TENM2: variants seen among roughly 807,000 people sequenced by gnomAD.
TENM2 encodes teneurin transmembrane protein 2, also known as teneurin-2.
A neutral mutation model predicts 245.2 loss-of-function variants in TENM2; 52 were observed. The observed-to-expected ratio is 0.21, with a 90% CI of 0.17 to 0.27. The LOEUF (loss-of-function observed/expected upper bound fraction) is 0.27. Among genes scored for constraint, TENM2 ranks in the 10% least tolerant of loss-of-function variants. The pLI is 1.00. For synonymous variants in TENM2, 1,363 were observed against 1,438.9 expected (o/e 0.95, Z 1.19); for missense variants, 3,046 against 3,666.8 (o/e 0.83, Z 4.37).
the TENM2 span, among the ~76,000 whole-genome samples, chr5:167,208,241 G>A: frequency 1.3e-5 from 2 of 152,180 alleles, no homozygotes; most frequent in African/African-American, 4.8e-5. Flanking sequence ...GGCATTTCAT[G>A]TTGTCTCTGA....
At chr5:167,233,047 A>C in the TENM2 span, among the ~76,000 whole-genome samples, 1 of 152,194 alleles carries the variant, frequency 6.6e-6, no homozygotes, top group African/African-American at 2.4e-5. Context: ...GATAATTAAC[A>C]GTGTCAGGTA....
intron 2 of TENM2, among the ~76,000 whole-genome samples, chr5:167,663,174 GAGAGAGAGAGAGAA>G (rs1755341178): frequency 6.7e-6 from 1 of 150,140 alleles, no homozygotes; most frequent in Non-Finnish European, 1.5e-5. Flanking sequence ...GAGAGAGAGA[GAGAGAGAGAGAGAA>G]AGAGAGAGAA....
rs747631655 is a variant in TENM2, at chr5:167,659,164, A to G, written c.503-216822A>G. 2.3e-4 allele frequency among the ~76,000 whole-genome samples: 35 copies of G among 152,236 alleles called. 1 individual carries two copies. The highest frequency in any genetic ancestry group is 4.1e-4 in the South Asian group (2 of 4,836). On this transcript the variant is annotated intron_variant, in intron 2 of 28. Coordinates refer to ENST00000518659, the Ensembl canonical transcript of TENM2. ...TTATGGTTTATAGATTGCAATGATT[A>G]TATTGCGGGAGCAGTTGATGCATTT...
intron 2 of TENM2, among the ~76,000 whole-genome samples, chr5:167,523,300 G>A (rs1770887550): frequency 6.6e-6 from 1 of 152,146 alleles, no homozygotes; most frequent in South Asian, 2.1e-4. Flanking sequence ...CCCACTACAG[G>A]TGGGACAGCA....
the TENM2 span, among the ~76,000 whole-genome samples, chr5:167,267,015 T>A: frequency 2.0e-5 from 3 of 152,188 alleles, no homozygotes; most frequent in Non-Finnish European, 4.4e-5. Flanking sequence ...GTCCACCCAC[T>A]AAATCAGCCT....
At chr5:167,990,912 G>A (rs1171351564) in intron 4 of TENM2, among the ~76,000 whole-genome samples, 1 of 152,190 alleles carries the variant, frequency 6.6e-6, no homozygotes, top group Non-Finnish European at 1.5e-5. Flanking sequence ...AGCCCACTGG[G>A]AAAGCCTGCT....
chr5:168,015,402 TA>T (rs1785570427), intron 5 of TENM2, among the ~76,000 whole-genome samples: 1 of 152,178 alleles, frequency 6.6e-6, no homozygotes, highest in Non-Finnish European at 1.5e-5. Flanking sequence ...CTAGGCCCAG[TA>T]CCCGGGTAGC....
intron 2 of TENM2, among the ~76,000 whole-genome samples, chr5:167,684,528 A>G (rs890883224): frequency 3.3e-5 from 5 of 152,220 alleles, no homozygotes; most frequent in Non-Finnish European, 5.9e-5. Flanking sequence ...CTTGGGTAAT[A>G]TGTAAAGAAA....
chr5:167,512,198 T>C (rs1370634265), intron 2 of TENM2, among the ~76,000 whole-genome samples: 1 of 152,176 alleles, frequency 6.6e-6, no homozygotes, highest in African/African-American at 2.4e-5. Context: ...GACACACAGA[T>C]CCATGAAAAG....
intron 2 of TENM2, among the ~76,000 whole-genome samples, chr5:167,429,612 T>C (rs1210382864): frequency 1.4e-5 from 2 of 143,672 alleles, no homozygotes; most frequent in Non-Finnish European, 3.0e-5. Context: ...TCTCTCTTTT[T>C]TTTTTTTTTT....
chr5:167,883,123 A>G (rs1413815281), intron 3 of TENM2, among the ~76,000 whole-genome samples: 3 of 152,168 alleles, frequency 2.0e-5, no homozygotes, highest in Non-Finnish European at 2.9e-5. Flanking sequence ...TTGGTATGCT[A>G]TAACACTTGG....
At chr5:167,250,151 A>G in the TENM2 span, among the ~76,000 whole-genome samples, 2 of 152,086 alleles carry the variant, frequency 1.3e-5, no homozygotes, top group Admixed American at 1.3e-4. Context: ...CAGGTTTTGA[A>G]GACTTGGTAG....
chr5:167,578,205 C>T (rs568039004), intron 2 of TENM2, among the ~76,000 whole-genome samples: 34 of 152,284 alleles, frequency 2.2e-4, no homozygotes, highest in African/African-American at 7.9e-4. Flanking sequence ...CCAGGAAATT[C>T]TGAAACGTCT....
rs80061917 is a variant in TENM2 at position 167,793,249 on chromosome 5, G to A, written c.503-82737G>A. ...ACTACTTCCTACTGTATGATCTTGA[G>A]CAAATGACTTAACATCTCTGAGCTT... On this transcript the variant is annotated intron_variant, in intron 2 of 28. Transcript: ENST00000518659. Among the ~76,000 whole-genome samples, 460 of 152,220 alleles carry A rather than the reference G, an allele frequency of 3.0e-3. 13 individuals are homozygous for A. The East Asian group carries it at 0.078, about 26-fold the overall frequency.
the TENM2 span, among the ~76,000 whole-genome samples, chr5:167,143,551 A>C: frequency 1.3e-5 from 2 of 152,198 alleles, no homozygotes; most frequent in Non-Finnish European, 2.9e-5. Context: ...TCTTAACAGT[A>C]AACTCTTTCT....
intron 27 of TENM2, among the ~76,000 whole-genome samples, chr5:168,259,787 C>T (rs1004426421): frequency 2.0e-5 from 3 of 152,226 alleles, no homozygotes; most frequent in African/African-American, 7.2e-5. Context: ...CCTCTAAACA[C>T]ACTGCGTGGC....
At chr5:167,381,560 C>T (rs538648496) in intron 2 of TENM2, among the ~76,000 whole-genome samples, 3 of 152,124 alleles carry the variant, frequency 2.0e-5, no homozygotes, top group Non-Finnish European at 2.9e-5. Flanking sequence ...GTTCTCAAAA[C>T]ATAAGAAGAT....
At chr5:167,344,842 G>A (rs1369847773) in intron 1 of TENM2, among the ~76,000 whole-genome samples, 1 of 152,058 alleles carries the variant, frequency 6.6e-6, no homozygotes, top group Admixed American at 6.5e-5. Flanking sequence ...CCCACAGAAA[G>A]CAGTGGGGCA....
At chr5:168,143,148 A>G (rs891654636) in intron 12 of TENM2, among the ~76,000 whole-genome samples, 7 of 152,138 alleles carry the variant, frequency 4.6e-5, no homozygotes, top group African/African-American at 1.7e-4. Flanking sequence ...GTTTTGGAGC[A>G]TTCAGGCTTG....
Sources: allele counts gnomAD v4.1 joint callset (sites outside exome capture counted in the v4.1 genomes callset), GRCh38; gene constraint gnomAD v4.1.1; transcripts MANE v1.5; gene names NCBI Gene and HGNC (gene_info 2026-07-23, HGNC 2026-07-21).